ERC1: variants seen among roughly 807,000 people sequenced by gnomAD.
The protein encoded by ERC1 is RAB6 interacting protein 2.
ERC1 carries 56 observed loss-of-function variants against 132.0 expected under a neutral mutation model. That is an observed-to-expected ratio of 0.42 (90% CI 0.34 to 0.53). ERC1 has a LOEUF of 0.53. ERC1 is among the 20% of genes least tolerant of loss of function. ERC1 has a pLI of 0.03. For missense variants in ERC1, 1,202 were observed against 1,349.9 expected (o/e 0.89, Z 1.72); for synonymous variants, 478 against 476.1 (o/e 1.00, Z -0.05).
rs547194133 is a variant in ERC1 at position 1,167,732 on chromosome 12, T to C, written c.1738-12808T>C. Among the ~76,000 whole-genome samples, 182 of 150,614 alleles carry C rather than the reference T, an allele frequency of 1.2e-3. 1 individual carries two copies. The highest frequency in any genetic ancestry group is 3.9e-3 in the African/African-American group (158 of 40,726). On this transcript the variant is annotated intron_variant, in intron 8 of 18. Transcript: ENST00000360905. ...TTTTTCTTTTCTTTTTTTTTTTTTT[T>C]CCGAGATGGAGTCTCGCTCTGTTGC...
rs182795626 is a variant in ERC1, at chr12:1,461,674, T to A, written c.3213+16924T>A. ...AAGAGCGAAACTCTGTCTCAAAAAA[T>A]AATAATAATAATAAAATAAAACTGA... On this transcript the variant is annotated intron_variant, in intron 18 of 18. Transcript: ENST00000360905. Among the ~76,000 whole-genome samples, 829 of 152,046 alleles carry A rather than the reference T, an allele frequency of 5.5e-3. 1 individual carries two copies. The highest frequency in any genetic ancestry group is 8.2e-3 in the Non-Finnish European group (554 of 67,942).
intron 18 of ERC1, among the ~76,000 whole-genome samples, chr12:1,451,854 T>C (rs2093431672): frequency 6.6e-6 from 1 of 152,154 alleles, no homozygotes; most frequent in South Asian, 2.1e-4. Context: ...ATAAGACCTT[T>C]AAAGAGATAA....
chr12:1,472,403 C>G (rs1293763134), intron 18 of ERC1, among the ~76,000 whole-genome samples: 1 of 152,178 alleles, frequency 6.6e-6, no homozygotes, highest in Non-Finnish European at 1.5e-5. Context: ...AATCCCAGCA[C>G]TTTGGGAAGC....
intron 15 of ERC1, among the ~76,000 whole-genome samples, chr12:1,336,467 TC>T (rs2154360156): frequency 6.6e-6 from 1 of 152,358 alleles, no homozygotes; most frequent in Non-Finnish European, 1.5e-5. Flanking sequence ...CTCATTAGTT[TC>T]AAAGAACTTC....
intron 15 of ERC1, among the ~76,000 whole-genome samples, chr12:1,355,403 T>C (rs1222510616): frequency 6.6e-6 from 1 of 152,238 alleles, no homozygotes; most frequent in Non-Finnish European, 1.5e-5. Flanking sequence ...TGAGTGGCAG[T>C]AGCTTGCTGA....
At chr12:1,068,535 C>G (rs757956103) in intron 2 of ERC1, among the ~76,000 whole-genome samples, 32 of 152,060 alleles carry the variant, frequency 2.1e-4, no homozygotes, top group Non-Finnish European at 3.2e-4. Flanking sequence ...TGATGCTTAG[C>G]ATTTTTTTGT....
At position 995,094 on chromosome 12, in the gene ERC1, TC is replaced by T. The variant is rs141669374; in HGVS notation, c.-157+3773del. Among the ~76,000 whole-genome samples the T allele has an allele frequency of 1.3e-3, 172 of 134,478 alleles. 12 individuals are homozygous for T. The highest frequency in any genetic ancestry group is 1.7e-3 in the Non-Finnish European group (109 of 62,842). 88.2% of individuals were successfully genotyped at this position (134,478 alleles called of 152,430 possible). The stretch of plus-strand genomic sequence containing the variant: ...CTGGGTGACAGAGCAAGACTCTGTC[TC>T]AAAAAAAAAAAAAAAAATTAGCATG... On this transcript the variant is annotated intron_variant, in intron 1 of 18. Transcript: ENST00000360905.
chr12:1,487,982 T>TA (rs984489296), intron 18 of ERC1, among the ~76,000 whole-genome samples: 6 of 151,306 alleles, frequency 4.0e-5, no homozygotes, highest in African/African-American at 9.7e-5. Flanking sequence ...ACTAAAAATA[T>TA]AAAAAATTAG....
chr12:1,140,716 A>G (rs1470399704), intron 7 of ERC1, among the ~76,000 whole-genome samples: 11 of 152,220 alleles, frequency 7.2e-5, no homozygotes, highest in Admixed American at 7.2e-4. Context: ...TGCACTGTTC[A>G]GTCTGGTAGC....
intron 8 of ERC1, among the ~76,000 whole-genome samples, chr12:1,154,358 C>CACATACCCATGTGTGTTTAT (rs1951164418): frequency 7.8e-6 from 1 of 128,686 alleles, no homozygotes; most frequent in African/African-American, 4.2e-5. Flanking sequence ...TGTTTATACA[C>CACATACCCATGTGTGTTTAT]ACACACACAC....
At chr12:1,487,910 G>A (rs980093902) in intron 18 of ERC1, among the ~76,000 whole-genome samples, 34 of 151,410 alleles carry the variant, frequency 2.2e-4, no homozygotes, top group African/African-American at 6.3e-4. Flanking sequence ...AGGCCGAGGC[G>A]GGCGGATCAC....
intron 17 of ERC1, among the ~76,000 whole-genome samples, chr12:1,421,557 C>T (rs1591946425): frequency 6.6e-6 from 1 of 151,932 alleles, no homozygotes; most frequent in African/African-American, 2.4e-5. Context: ...GTAACAGGTC[C>T]GAGTGGAGTC....
In ERC1 at chr12:1,228,260, T is replaced by G. The variant is rs142299517; in HGVS notation, c.2352-8509T>G. Among the ~76,000 whole-genome samples the G allele has an allele frequency of 5.7e-3, 869 of 152,350 alleles. 5 individuals are homozygous for G. The highest frequency in any genetic ancestry group is 0.02 in the African/African-American group (833 of 41,574). On this transcript the variant is annotated intron_variant, in intron 12 of 18. Coordinates refer to ENST00000360905, the MANE Select transcript of ERC1 (RefSeq NM_178040.4). ...GGACATTTTAACAACATTAATTGTT[T>G]CAATTCATGAACAGATTATCTTTCC...
intron 13 of ERC1, among the ~76,000 whole-genome samples, chr12:1,250,354 A>G (rs2076395480): frequency 6.6e-6 from 1 of 152,160 alleles, no homozygotes; most frequent in Non-Finnish European, 1.5e-5. Flanking sequence ...ATGTTTAATC[A>G]TGCTTTATTG....
chr12:1,489,634 A>C (rs1419080399), intron 18 of ERC1, among the ~76,000 whole-genome samples: 1 of 152,250 alleles, frequency 6.6e-6, no homozygotes, highest in Non-Finnish European at 1.5e-5. Context: ...TCTTCAGCTA[A>C]ATTAGCAGGC....
intron 1 of ERC1, among the ~76,000 whole-genome samples, chr12:1,005,272 CT>C (rs1206137144): frequency 6.6e-6 from 1 of 152,040 alleles, no homozygotes; most frequent in Non-Finnish European, 1.5e-5. Context: ...TTGCATCAGC[CT>C]TCGAGTAGCT....
Position 995,189 on chromosome 12 carries a change from C to T in ERC1, c.-157+3867C>T, listed in dbSNP as rs1000478250. Among the ~76,000 whole-genome samples, 10 of 151,440 alleles carry T rather than the reference C, an allele frequency of 6.6e-5. No homozygotes were observed. In the South Asian group the frequency reaches 1.9e-3, roughly 29 times the overall value. ...GGAGGATCACTTGAACCTAGGGGTT[C>T]GAGGTTGCAGTGAGCTGTCATTCCG... On this transcript the variant is annotated intron_variant, in intron 1 of 18. Transcript: ENST00000360905.
chr12:1,386,417 GC>G (rs1425190000), intron 16 of ERC1, among the ~76,000 whole-genome samples: 21 of 150,902 alleles, frequency 1.4e-4, no homozygotes, highest in African/African-American at 4.1e-4. Flanking sequence ...GGACGCCAAG[GC>G]AGGCAGATCA....
At chr12:1,289,084 TACAC>T (rs57334239) in intron 14 of ERC1, among the ~76,000 whole-genome samples, 16,168 of 102,582 alleles carry the variant, frequency 0.16, 1,397 homozygotes, top group Middle Eastern at 0.2. Context: ...ATCTGGTATG[TACAC>T]ACACACACAC....
Sources: allele counts gnomAD v4.1 joint callset (sites outside exome capture counted in the v4.1 genomes callset), GRCh38; gene constraint gnomAD v4.1.1; transcripts MANE v1.5; gene names NCBI Gene and HGNC (gene_info 2026-07-23, HGNC 2026-07-21).